Variants in PTPRT observed in about 807,000 individuals in gnomAD.
PTPRT encodes protein tyrosine phosphatase receptor type T.
A neutral mutation model predicts 176.8 loss-of-function variants in PTPRT; 56 were observed. The observed-to-expected ratio is 0.32, with a 90% CI of 0.26 to 0.40. PTPRT has a LOEUF of 0.40. Among genes scored for constraint, PTPRT ranks in the 10% least tolerant of loss-of-function variants. The pLI is 1.00. For synonymous variants in PTPRT, 783 were observed against 739.0 expected (o/e 1.06, Z -0.96); for missense variants, 1,540 against 1,908.2 (o/e 0.81, Z 3.60).
chr20:43,012,024 T>C (rs1354593446), intron 1 of PTPRT, among the ~76,000 whole-genome samples: 2 of 152,212 alleles, frequency 1.3e-5, no homozygotes, highest in Non-Finnish European at 2.9e-5. Flanking sequence ...AGCCACAGAC[T>C]GAAGGCTGCA....
chr20:42,278,080 T>C (rs1275128238), intron 13 of PTPRT, among the ~76,000 whole-genome samples: 1 of 3,606 alleles, frequency 2.8e-4, no homozygotes, highest in Non-Finnish European at 6.1e-4. Context: ...AGACTATATA[T>C]ATATATATAT....
At chr20:42,095,091 C>A (rs999431561) in intron 27 of PTPRT, among the ~76,000 whole-genome samples, 1 of 152,156 alleles carries the variant, frequency 6.6e-6, no homozygotes, top group Admixed American at 6.5e-5. Context: ...GCTTTACCTT[C>A]AGAATCTACC....
At chr20:42,684,993 G>T (rs561231410) in intron 6 of PTPRT, among the ~76,000 whole-genome samples, 1 of 152,034 alleles carries the variant, frequency 6.6e-6, no homozygotes. Context: ...CAACTTTATG[G>T]GTGGGTAGAT....
chr20:42,162,551 T>G (rs1027944901), intron 16 of PTPRT, among the ~76,000 whole-genome samples: 1 of 152,178 alleles, frequency 6.6e-6, no homozygotes, highest in South Asian at 2.1e-4. Flanking sequence ...CAGAACCATC[T>G]AGGCTTGGTC....
chr20:42,162,924 C>A (rs1989668376), intron 16 of PTPRT, among the ~76,000 whole-genome samples: 2 of 152,216 alleles, frequency 1.3e-5, no homozygotes, highest in Non-Finnish European at 2.9e-5. Context: ...TGGAAGGGAA[C>A]ACCTGACCTT....
At chr20:42,691,522 G>GATTAAGATT (rs1329933344) in intron 6 of PTPRT, among the ~76,000 whole-genome samples, 5 of 152,310 alleles carry the variant, frequency 3.3e-5, no homozygotes, top group African/African-American at 1.2e-4. Flanking sequence ...GGGGTGTCCA[G>GATTAAGATT]ATGGATTAAG....
chr20:42,491,062 A>T (rs1317358793), intron 7 of PTPRT, among the ~76,000 whole-genome samples: 1 of 152,180 alleles, frequency 6.6e-6, no homozygotes, highest in African/African-American at 2.4e-5. Flanking sequence ...GCATATTTAA[A>T]GTAGTGAATT....
chr20:42,125,643 A>G (rs1051645203), intron 19 of PTPRT, among the ~76,000 whole-genome samples: 4 of 152,224 alleles, frequency 2.6e-5, no homozygotes, highest in Non-Finnish European at 5.9e-5. Context: ...GGCTTGAAAC[A>G]TGCCTTGCAA....
chr20:42,364,794 C>T (rs2058491675), intron 9 of PTPRT, among the ~76,000 whole-genome samples: 4 of 152,180 alleles, frequency 2.6e-5, no homozygotes, highest in Admixed American at 2.6e-4. Flanking sequence ...ACTCCATTTA[C>T]AGAGTGCTGA....
At chr20:42,839,443 A>G (rs1415029193) in intron 2 of PTPRT, among the ~76,000 whole-genome samples, 1 of 152,190 alleles carries the variant, frequency 6.6e-6, no homozygotes, top group African/African-American at 2.4e-5. Flanking sequence ...TTTTTGAGCC[A>G]GCATGATAAA....
chr20:42,510,281 C>T (rs962094784), intron 7 of PTPRT, among the ~76,000 whole-genome samples: 1 of 152,050 alleles, frequency 6.6e-6, no homozygotes, highest in African/African-American at 2.4e-5. Context: ...GCAGTCCCAG[C>T]AAATTTGCAG....
At chr20:42,232,974 C>A (rs778468755) in intron 15 of PTPRT, among the ~76,000 whole-genome samples, 1 of 152,106 alleles carries the variant, frequency 6.6e-6, no homozygotes, top group Non-Finnish European at 1.5e-5. Context: ...TCCTCTGCAG[C>A]ATCTGCTATG....
chr20:42,565,512 G>A (rs1479342019), intron 7 of PTPRT, among the ~76,000 whole-genome samples: 1 of 152,024 alleles, frequency 6.6e-6, no homozygotes, highest in Non-Finnish European at 1.5e-5. Flanking sequence ...CCCAGAGCCT[G>A]GTGGGAAAAG....
At chr20:42,488,084 T>C (rs2071494078) in intron 7 of PTPRT, among the ~76,000 whole-genome samples, 1 of 152,198 alleles carries the variant, frequency 6.6e-6, no homozygotes, top group Non-Finnish European at 1.5e-5. Context: ...CCTTATTTCA[T>C]GATTTTCAAC....
At chr20:43,019,455 T>C (rs571579149) in intron 1 of PTPRT, among the ~76,000 whole-genome samples, 4 of 151,576 alleles carry the variant, frequency 2.6e-5, no homozygotes, top group Admixed American at 1.3e-4. Flanking sequence ...CCCATCTCTA[T>C]TAAAAATACA....
At chr20:42,798,175 T>C (rs576962767) in intron 2 of PTPRT, among the ~76,000 whole-genome samples, 7 of 152,142 alleles carry the variant, frequency 4.6e-5, no homozygotes, top group African/African-American at 1.7e-4. Context: ...ACTACTTAAA[T>C]ATCACTTTCC....
intron 1 of PTPRT, among the ~76,000 whole-genome samples, chr20:42,923,331 A>G (rs951175479): frequency 1.9e-4 from 29 of 152,246 alleles, no homozygotes; most frequent in African/African-American, 6.8e-4. Context: ...AGAACACTGT[A>G]TACTCAGAAG....
At chr20:42,059,425 G>A in the PTPRT span, among the ~76,000 whole-genome samples, 3 of 152,338 alleles carry the variant, frequency 2.0e-5, no homozygotes, top group Middle Eastern at 3.4e-3. Context: ...AAGGGAAAAG[G>A]TGGATGAGAT....
chr20:42,807,040 T>G (rs142898844), intron 2 of PTPRT, among the ~76,000 whole-genome samples: 1,629 of 152,320 alleles, frequency 0.011, 18 homozygotes, highest in Non-Finnish European at 0.019. Flanking sequence ...TGATAATTTT[T>G]GCCCTGTTGT....
Sources: gnomAD v4.1 joint callset for allele counts (sites outside exome capture counted in the v4.1 genomes callset) on GRCh38, gnomAD v4.1.1 for gene constraint, MANE v1.5 for transcripts, NCBI Gene and HGNC (gene_info 2026-07-23, HGNC 2026-07-21) for gene names.